SNTN: variants seen among roughly 807,000 people sequenced by gnomAD.
SNTN encodes sentan.
In SNTN, 13 loss-of-function variants were observed where a neutral mutation model predicts 12.3. That is an observed-to-expected ratio of 1.05 (90% confidence interval 0.69 to 1.67). The LOEUF is 1.67. Among genes scored for constraint, SNTN ranks in the 40% most tolerant of loss-of-function variants. SNTN has a pLI of 0.00. For synonymous variants in SNTN, 69 were observed against 58.5 expected (o/e 1.18, Z -0.82); for missense variants, 189 against 169.8 (o/e 1.11, Z -0.63).
chr3:63,657,093 C>G (rs1196759477), intron 2 of SNTN, among the ~76,000 whole-genome samples: 3 of 152,182 alleles, frequency 2.0e-5, no homozygotes, highest in African/African-American at 7.2e-5. Context: ...AGAGTTTGTT[C>G]TTTTGATGTT....
At chr3:63,656,419 A>G (rs1700680116) in intron 2 of SNTN, among the ~76,000 whole-genome samples, 1 of 152,192 alleles carries the variant, frequency 6.6e-6, no homozygotes, top group African/African-American at 2.4e-5. Flanking sequence ...CTTCATGTAG[A>G]TACTGAGCAC....
chr3:63,655,963 G>C (rs573043212), intron 2 of SNTN, among the ~76,000 whole-genome samples: 1 of 152,262 alleles, frequency 6.6e-6, no homozygotes, highest in South Asian at 2.1e-4. Flanking sequence ...GGGAAAATTT[G>C]AGAAGCACTG....
chr3:63,664,593 A>G lies in SNTN; in HGVS notation c.*498A>G, dbSNP rs990119080. On this transcript the variant is annotated 3_prime_UTR_variant, in exon 4 of 4. Coordinates refer to ENST00000343837, the MANE Select transcript of SNTN (RefSeq NM_001080537.2). ...TAAGGGCTATAGGATGCTAAAAGAG[A>G]TTATCACCTGATCGGAGTTCAAAGG... 6.6e-6 allele frequency: 1 copy of G among 152,022 alleles called. No individual in the cohort carries two copies. The highest frequency in any genetic ancestry group is 1.5e-5 in the Non-Finnish European group (1 of 68,056). 9.4% of individuals were successfully genotyped at this position (152,022 alleles called of 1,614,324 possible).
intron 3 of SNTN, among the ~76,000 whole-genome samples, chr3:63,662,706 G>A (rs959787272): frequency 1.3e-5 from 2 of 152,148 alleles, no homozygotes; most frequent in Non-Finnish European, 2.9e-5. Context: ...GACCTCTTGA[G>A]GAGAAACAGC....
At position 63,664,012 on chromosome 3, in the gene SNTN, G is replaced by A; in HGVS notation, c.361G>A (p.Glu121Lys). The A allele has an allele frequency of 1.2e-6, 2 of 1,613,968 alleles. No homozygotes were observed. The highest frequency in any genetic ancestry group is 1.3e-5 in the African/African-American group (1 of 75,024). The change falls in exon 4 of 4, where the codon GAA becomes AAA. Residue 121 changes from glutamate to lysine, a missense_variant. Glu to Lys is a moderately conservative substitution (Grantham distance 56). Transcript: ENST00000343837. ...DEHTENKLDF[E>K]DFMILLLSIT... ...GCACACAGAAAATAAGCTAGATTTT[G>A]AAGACTTCATGATCTTGCTCTTAAG...
intron 1 of SNTN, among the ~76,000 whole-genome samples, chr3:63,653,950 G>A (rs949246254): frequency 2.0e-5 from 3 of 152,096 alleles, no homozygotes; most frequent in African/African-American, 7.2e-5. Flanking sequence ...CAATCATATG[G>A]TGATTTCTGC....
At chr3:63,661,174 C>A (rs1415178632) in intron 3 of SNTN, among the ~76,000 whole-genome samples, 1 of 152,142 alleles carries the variant, frequency 6.6e-6, no homozygotes, top group Admixed American at 6.6e-5. Context: ...CCTAAAATGG[C>A]ATTACATTCT....
chr3:63,655,174 A>G (rs1055605854), intron 2 of SNTN, among the ~76,000 whole-genome samples: 1 of 152,182 alleles, frequency 6.6e-6, no homozygotes, highest in Admixed American at 6.5e-5. Flanking sequence ...TCAGCTCCCA[A>G]CTGCCTCTGT....
chr3:63,655,445 ACT>A (rs1700667746), intron 2 of SNTN, among the ~76,000 whole-genome samples: 1 of 152,058 alleles, frequency 6.6e-6, no homozygotes, highest in African/African-American at 2.4e-5. Context: ...TCCAAAAGAG[ACT>A]CTGTAATTTT....
chr3:63,655,312 G>A (rs1186526650), intron 2 of SNTN, among the ~76,000 whole-genome samples: 1 of 152,058 alleles, frequency 6.6e-6, no homozygotes, highest in Non-Finnish European at 1.5e-5. Context: ...AGAAAAAAAC[G>A]CTTGTATACT....
rs1280938288 is a variant in SNTN at position 63,664,920 on chromosome 3, T to A, written c.*825T>A. On this transcript the variant is annotated 3_prime_UTR_variant, in exon 4 of 4. Transcript: ENST00000343837. Reference sequence around the variant, plus strand: ...GGCGTGTGCCACGATGCCAGGCTAATTTTTTTTGTATTTTTAGTGGAGACG... The same window carrying A: ...GGCGTGTGCCACGATGCCAGGCTAAATTTTTTTGTATTTTTAGTGGAGACG... Among the ~76,000 whole-genome samples the A allele has an allele frequency of 6.6e-6, 1 of 151,762 alleles. No individual in the cohort carries two copies. The highest frequency in any genetic ancestry group is 1.5e-5 in the Non-Finnish European group (1 of 67,926).
intron 2 of SNTN, among the ~76,000 whole-genome samples, chr3:63,655,014 A>G (rs1700661135): frequency 6.6e-6 from 1 of 152,182 alleles, no homozygotes; most frequent in Non-Finnish European, 1.5e-5. Flanking sequence ...TTAAAGACAG[A>G]GCTGAGATGA....
chr3:63,662,864 T>C (rs1226943700), intron 3 of SNTN, among the ~76,000 whole-genome samples: 3 of 152,222 alleles, frequency 2.0e-5, no homozygotes, highest in African/African-American at 7.2e-5. Context: ...TTAACATTTT[T>C]ATTGTCACTG....
Position 63,663,747 on chromosome 3 carries a change from A to G in SNTN, c.286-190A>G. The G allele has an allele frequency of 4.1e-6, 3 of 722,976 alleles. No individual in the cohort carries two copies. The South Asian group carries it at 4.5e-5, about 11-fold the overall frequency. The allele number at this position is 722,976 out of a possible 1,614,324, so 44.8% of individuals were successfully genotyped here. A position where few individuals can be genotyped will look rare whatever the true frequency, so the allele number is the denominator to read the frequency against. ...GGAAGCAGCCTGAGGTCCTCACCAC[A>G]TGCAGATGCCTGATCTTGAACTTTC... is the stretch of plus-strand genomic sequence containing the variant. On this transcript the variant is annotated intron_variant, in intron 3 of 3. Transcript: ENST00000343837.
At chr3:63,655,936 C>G (rs1309566569) in intron 2 of SNTN, among the ~76,000 whole-genome samples, 1 of 152,120 alleles carries the variant, frequency 6.6e-6, no homozygotes, top group African/African-American at 2.4e-5. Flanking sequence ...CTCTAACACC[C>G]AGGGTATTTT....
intron 3 of SNTN, among the ~76,000 whole-genome samples, chr3:63,662,207 G>T (rs1469938386): frequency 6.6e-6 from 1 of 152,148 alleles, no homozygotes; most frequent in Non-Finnish European, 1.5e-5. Flanking sequence ...ACCCCCTAGG[G>T]CAGGTGCATT....
intron 2 of SNTN, among the ~76,000 whole-genome samples, chr3:63,657,947 A>G (rs1174512483): frequency 6.6e-6 from 1 of 152,076 alleles, no homozygotes; most frequent in Non-Finnish European, 1.5e-5. Context: ...ACTTGTCTTC[A>G]CTCTTGTCCA....
At chr3:63,660,937 C>T (rs1700737442) in intron 3 of SNTN, among the ~76,000 whole-genome samples, 1 of 152,122 alleles carries the variant, frequency 6.6e-6, no homozygotes, top group South Asian at 2.1e-4. Context: ...GTATATTTCT[C>T]GAATTTCAGT....
intron 1 of SNTN, 117 bp downstream of exon 1, chr3:63,652,914 C>G (rs1305456220): frequency 2.4e-6 from 2 of 817,652 alleles, no homozygotes; most frequent in Non-Finnish European, 3.9e-6. Context: ...TGCCTATTAC[C>G]TACCCTAATC....
Sources: allele counts gnomAD v4.1 joint callset (sites outside exome capture counted in the v4.1 genomes callset), GRCh38; gene constraint gnomAD v4.1.1; transcripts MANE v1.5; gene names NCBI Gene and HGNC (gene_info 2026-07-23, HGNC 2026-07-21).